Variants in CEP63 observed in about 807,000 individuals in gnomAD.
CEP63 encodes centrosomal protein 63.
In CEP63, 84 loss-of-function variants were observed where a neutral mutation model predicts 89.1. That is an observed-to-expected ratio of 0.94 (90% CI 0.79 to 1.13). CEP63 has a LOEUF of 1.13. Ranked by LOEUF, CEP63 falls within the 50% of genes most tolerant of loss-of-function variation. The probability of loss-of-function intolerance (pLI) is 0.00; values close to 1 mark genes in which losing one functional copy is unlikely to be tolerated. For synonymous variants in CEP63, 267 were observed against 272.5 expected (o/e 0.98, Z 0.20); for missense variants, 838 against 813.3 (o/e 1.03, Z -0.37).
chr3:134,608,626 A>G, the CEP63 span: 2 of 1,613,974 alleles, frequency 1.2e-6, no homozygotes, highest in Non-Finnish European at 1.7e-6. Context: ...CTGCTAGCAC[A>G]CTGGCACCTG....
At chr3:134,582,297 TTAGG>T (rs1339886951) in intron 10 of CEP63, among the ~76,000 whole-genome samples, 1 of 152,172 alleles carries the variant, frequency 6.6e-6, no homozygotes, top group Non-Finnish European at 1.5e-5. Flanking sequence ...ATCATTTACA[TTAGG>T]TATTTCTCCT....
intron 13 of CEP63, among the ~76,000 whole-genome samples, chr3:134,558,935 AC>A (rs1274686332): frequency 6.6e-6 from 1 of 152,128 alleles, no homozygotes; most frequent in Non-Finnish European, 1.5e-5. Context: ...TTCTTGCTAT[AC>A]CATAAGTGTG....
intron 10 of CEP63, among the ~76,000 whole-genome samples, chr3:134,583,932 C>G (rs1958422793): frequency 6.6e-6 from 1 of 152,144 alleles, no homozygotes; most frequent in Admixed American, 6.5e-5. Context: ...ATCTTATTCT[C>G]TTTGTAGCAA....
the CEP63 span, chr3:134,619,090 G>T: frequency 1.4e-6 from 2 of 1,398,584 alleles, no homozygotes; most frequent in Non-Finnish European, 1.0e-6. Flanking sequence ...ACATGGCACT[G>T]TGGAAGAGGG....
chr3:134,699,073 A>G, the CEP63 span, among the ~76,000 whole-genome samples: 5 of 152,148 alleles, frequency 3.3e-5, no homozygotes, highest in African/African-American at 1.2e-4. Context: ...CCAAATTCAG[A>G]CTCAGGTAGA....
the CEP63 span, chr3:134,629,699 C>A: frequency 3.2e-6 from 5 of 1,582,584 alleles, no homozygotes; most frequent in Non-Finnish European, 4.3e-6. Flanking sequence ...TGTGTCCCTA[C>A]AAAGGAAAAG....
chr3:134,544,895 C>T (rs534174990), intron 6 of CEP63, among the ~76,000 whole-genome samples: 52 of 152,094 alleles, frequency 3.4e-4, no homozygotes, highest in African/African-American at 9.9e-4. Context: ...TCACGCAGGC[C>T]GGAGTGCAGT....
intron 9 of CEP63, among the ~76,000 whole-genome samples, chr3:134,548,818 A>C (rs1954176062): frequency 6.6e-6 from 1 of 152,180 alleles, no homozygotes; most frequent in African/African-American, 2.4e-5. Context: ...TTATTATTGA[A>C]GTATATGTGT....
chr3:134,651,388 C>G, the CEP63 span: 1 of 1,099,486 alleles, frequency 9.1e-7, no homozygotes, highest in South Asian at 2.3e-5. Flanking sequence ...AGGGCTGGAG[C>G]CGACCTCCCA....
intron 5 of CEP63, chr3:134,536,917 A>T (rs890014790): frequency 2.0e-6 from 1 of 492,122 alleles, no homozygotes; most frequent in Non-Finnish European, 3.8e-6. Flanking sequence ...TCTGCGTGTC[A>T]TACTCCTCAC....
intron 6 of CEP63, among the ~76,000 whole-genome samples, chr3:134,544,526 C>T (rs1235988683): frequency 1.3e-5 from 2 of 151,932 alleles, no homozygotes; most frequent in Non-Finnish European, 2.9e-5. Flanking sequence ...AAACAAAAGA[C>T]CACAATTTCC....
At chr3:134,610,550 C>T in the CEP63 span, 1 of 619,390 alleles carries the variant, frequency 1.6e-6, no homozygotes, top group South Asian at 2.0e-5. Flanking sequence ...GCTTTTATCT[C>T]GGGGCACTGG....
the CEP63 span, among the ~76,000 whole-genome samples, chr3:134,708,610 G>T: frequency 6.6e-6 from 1 of 152,156 alleles, no homozygotes; most frequent in African/African-American, 2.4e-5. Flanking sequence ...CCCAGACTAC[G>T]GTGTTTTATG....
chr3:134,493,425 G>T (rs1259263079), intron 1 of CEP63, among the ~76,000 whole-genome samples: 1 of 151,736 alleles, frequency 6.6e-6, no homozygotes, highest in African/African-American at 2.4e-5. Flanking sequence ...AATCTTGGTT[G>T]CATTGTAGTT....
intron 9 of CEP63, 62 bp from the exon 10 acceptor site, chr3:134,549,000 A>G: frequency 1.1e-6 from 1 of 931,244 alleles, no homozygotes; most frequent in South Asian, 1.3e-5. Context: ...TAAATTAGAT[A>G]GTCCAATTTA....
intron 10 of CEP63, among the ~76,000 whole-genome samples, chr3:134,581,800 C>G (rs1356721373): frequency 2.7e-5 from 4 of 147,150 alleles, no homozygotes; most frequent in South Asian, 2.2e-4. Flanking sequence ...CTCAGCCTCC[C>G]GAGTAGCTGG....
At chr3:134,760,301 C>T in the CEP63 span, among the ~76,000 whole-genome samples, 3 of 152,058 alleles carry the variant, frequency 2.0e-5, no homozygotes, top group Non-Finnish European at 2.9e-5. Flanking sequence ...CCTCGTGATC[C>T]GCCCGCCTCG....
At chr3:134,501,059 T>G (rs751308076) in intron 2 of CEP63, among the ~76,000 whole-genome samples, 1 of 152,190 alleles carries the variant, frequency 6.6e-6, no homozygotes, top group African/African-American at 2.4e-5. Flanking sequence ...TTCATACAAG[T>G]AGCCAGTTTT....
At chr3:134,629,660 C>T in the CEP63 span, 4 of 1,600,784 alleles carry the variant, frequency 2.5e-6, no homozygotes, top group East Asian at 2.2e-5. Context: ...TGGGGCATGG[C>T]ATCTCGAGGG....
Sources: gnomAD v4.1 joint callset for allele counts (sites outside exome capture counted in the v4.1 genomes callset) on GRCh38, gnomAD v4.1.1 for gene constraint, MANE v1.5 for transcripts, NCBI Gene and HGNC (gene_info 2026-07-23, HGNC 2026-07-21) for gene names.